The following FAR2 variants were observed in gnomAD, a reference collection of about 807,000 sequenced individuals.
FAR2 encodes fatty acyl-CoA reductase 2.
FAR2 carries 19 observed loss-of-function variants against 56.0 expected under a neutral mutation model. The ratio of observed to expected loss-of-function variants is 0.34; its 90% CI spans 0.24 to 0.50. The LOEUF is 0.50. Among genes scored for constraint, FAR2 ranks in the 20% least tolerant of loss-of-function variants. The probability of loss-of-function intolerance (pLI) is 0.98; values close to 1 mark genes in which losing one functional copy is unlikely to be tolerated. For synonymous variants in FAR2, 219 were observed against 218.8 expected, an observed-to-expected ratio of 1.00 and a Z score of -0.01; for missense variants, 508 against 642.2, an observed-to-expected ratio of 0.79 and a Z score of 2.26.
intron 1 of FAR2, among the ~76,000 whole-genome samples, chr12:29,167,286 A>T (rs998537546): frequency 6.6e-6 from 1 of 152,110 alleles, no homozygotes; most frequent in Non-Finnish European, 1.5e-5. Flanking sequence ...CAACTTTTAA[A>T]TTAACATTAT....
In FAR2 at chr12:29,161,360, G is replaced by A. The variant is rs1413512415; in HGVS notation, c.-39+11953G>A. Among the ~76,000 whole-genome samples the A allele has an allele frequency of 2.6e-5, 4 of 152,176 alleles. No homozygotes were observed. The East Asian group carries it at 7.7e-4, about 29-fold the overall frequency. ...ATTAGCCAAGTTCAAACATAGATTA[G>A]CTTTACCAGTTTTTGGAGTTTGTAT... is the stretch of plus-strand genomic sequence containing the variant. On this transcript the variant is annotated intron_variant, in intron 1 of 11. Transcript: ENST00000536681.
At chr12:29,192,022 G>T (rs1950106878) in intron 1 of FAR2, among the ~76,000 whole-genome samples, 1 of 152,164 alleles carries the variant, frequency 6.6e-6, no homozygotes, top group Admixed American at 6.5e-5. Flanking sequence ...ATTTGTATTG[G>T]TTGATTAGGA....
At chr12:29,223,759 A>G (rs1395160514) in intron 1 of FAR2, 1 of 152,204 alleles carries the variant, frequency 6.6e-6, no homozygotes, top group Non-Finnish European at 1.5e-5. Flanking sequence ...TCTTCTGAAA[A>G]GCTGCTGGTC....
chr12:29,191,120 T>C (rs1950099845), intron 1 of FAR2, among the ~76,000 whole-genome samples: 1 of 152,212 alleles, frequency 6.6e-6, no homozygotes, highest in Non-Finnish European at 1.5e-5. Flanking sequence ...GTGCTTTCCA[T>C]ACCTAGCTGA....
intron 4 of FAR2, among the ~76,000 whole-genome samples, chr12:29,307,119 C>A (rs1311070475): frequency 6.6e-6 from 1 of 152,166 alleles, no homozygotes; most frequent in Non-Finnish European, 1.5e-5. Context: ...CAGCCTCTAA[C>A]TCCCTGAACA....
Position 29,253,792 on chromosome 12 carries a change from A to G in FAR2, c.-38-16620A>G, listed in dbSNP as rs190816938. ...ACAAACAATATTAACAACAGCTTGC[A>G]TTTTTATAATGCTTTACATTTAGCA... On this transcript the variant is annotated intron_variant, in intron 1 of 11. Coordinates refer to ENST00000536681, the MANE Select transcript of FAR2 (RefSeq NM_001271783.2). Among the ~76,000 whole-genome samples, 87 of 152,292 alleles carry G rather than the reference A, an allele frequency of 5.7e-4. 1 individual carries two copies. The highest frequency in any genetic ancestry group is 2.1e-3 in the African/African-American group (86 of 41,568).
intron 3 of FAR2, among the ~76,000 whole-genome samples, chr12:29,294,501 C>A (rs1427000053): frequency 2.0e-5 from 3 of 152,090 alleles, no homozygotes; most frequent in African/African-American, 4.8e-5. Context: ...GTGCCTGCCA[C>A]CACGCTCGGC....
chr12:29,332,840 TAC>T, intron 11 of FAR2, 113 bp downstream of exon 11: 6 of 1,012,152 alleles, frequency 5.9e-6, no homozygotes, highest in Non-Finnish European at 7.5e-6. Context: ...TTTACTACAT[TAC>T]AGGTCCTGCA....
intron 1 of FAR2, among the ~76,000 whole-genome samples, chr12:29,266,969 G>A (rs1347976697): frequency 6.6e-6 from 1 of 152,112 alleles, no homozygotes; most frequent in Non-Finnish European, 1.5e-5. Context: ...GACATCTTCA[G>A]AACAAATGGG....
intron 2 of FAR2, among the ~76,000 whole-genome samples, chr12:29,273,171 A>T (rs11050166): frequency 6.6e-6 from 1 of 152,002 alleles, no homozygotes; most frequent in Non-Finnish European, 1.5e-5. Context: ...CTTGGTGGAG[A>T]GGGTGTGTTT....
chr12:29,263,940 A>G (rs758105816), intron 1 of FAR2, among the ~76,000 whole-genome samples: 19 of 152,228 alleles, frequency 1.2e-4, no homozygotes, highest in Middle Eastern at 3.4e-3. Context: ...AGGAAGGAAT[A>G]CTTCCAAACT....
intron 2 of FAR2, among the ~76,000 whole-genome samples, chr12:29,271,805 C>A (rs1948622882): frequency 6.6e-6 from 1 of 152,210 alleles, no homozygotes; most frequent in Non-Finnish European, 1.5e-5. Context: ...CACCTTACTT[C>A]ATGTATCTTT....
At chr12:29,297,455 T>C (rs575022097) in intron 4 of FAR2, among the ~76,000 whole-genome samples, 1 of 152,340 alleles carries the variant, frequency 6.6e-6, no homozygotes, top group South Asian at 2.1e-4. Context: ...GGGAATACTA[T>C]ACATAGAAGT....
chr12:29,184,803 A>C (rs968881795), intron 1 of FAR2, among the ~76,000 whole-genome samples: 2 of 152,004 alleles, frequency 1.3e-5, no homozygotes, highest in Non-Finnish European at 2.9e-5. Flanking sequence ...CTGGTGTCTC[A>C]CCCCAACCCT....
intron 1 of FAR2, among the ~76,000 whole-genome samples, chr12:29,150,129 A>G (rs1017775971): frequency 2.0e-5 from 3 of 152,262 alleles, no homozygotes; most frequent in East Asian, 3.9e-4. Flanking sequence ...CAGACTCCCA[A>G]CTGGAGTAGA....
intron 1 of FAR2, among the ~76,000 whole-genome samples, chr12:29,164,682 G>C (rs191919725): frequency 6.6e-6 from 1 of 152,312 alleles, no homozygotes; most frequent in African/African-American, 2.4e-5. Flanking sequence ...CATGAACTGA[G>C]GAGTAGGACA....
intron 2 of FAR2, among the ~76,000 whole-genome samples, chr12:29,286,931 C>G (rs939022131): frequency 6.6e-6 from 1 of 152,050 alleles, no homozygotes; most frequent in Non-Finnish European, 1.5e-5. Flanking sequence ...TCACAGAATA[C>G]GATAGTCAGG....
intron 4 of FAR2, among the ~76,000 whole-genome samples, chr12:29,302,293 A>T (rs1434458215): frequency 2.6e-5 from 4 of 151,332 alleles, no homozygotes; most frequent in Admixed American, 2.6e-4. Flanking sequence ...ACTATGTTCC[A>T]AAGAGCTCGT....
At chr12:29,301,454 T>A (rs1949162761) in intron 4 of FAR2, among the ~76,000 whole-genome samples, 1 of 152,220 alleles carries the variant, frequency 6.6e-6, no homozygotes, top group Admixed American at 6.5e-5. Context: ...ACAGCTTATG[T>A]AGAATGTTTA....
Sources: allele counts gnomAD v4.1 joint callset (sites outside exome capture counted in the v4.1 genomes callset), GRCh38; gene constraint gnomAD v4.1.1; transcripts MANE v1.5; gene names NCBI Gene and HGNC (gene_info 2026-07-23, HGNC 2026-07-21).